Variants in RGS6 observed in about 807,000 individuals in gnomAD.
The protein encoded by RGS6 is regulator of G-protein signaling 6.
RGS6 carries 30 observed loss-of-function variants against 78.5 expected under a neutral mutation model. The ratio of observed to expected loss-of-function variants is 0.38; its 90% CI spans 0.29 to 0.52. RGS6 has a LOEUF of 0.52. Ranked by LOEUF, RGS6 falls within the 20% of genes least tolerant of loss-of-function variation. RGS6 has a pLI of 0.85. For missense variants in RGS6, 495 were observed against 609.7 expected (o/e 0.81, Z 1.98); for synonymous variants, 206 against 206.0 (o/e 1.00, Z 0.00).
chr14:72,370,485 G>A (rs58793041), intron 3 of RGS6, among the ~76,000 whole-genome samples: 5,152 of 152,244 alleles, frequency 0.034, 322 homozygotes, highest in African/African-American at 0.12. Flanking sequence ...TTTGGGTCAG[G>A]GAGATGAGGA....
At chr14:72,134,815 C>A (rs1429972179) in intron 2 of RGS6, among the ~76,000 whole-genome samples, 1 of 152,126 alleles carries the variant, frequency 6.6e-6, no homozygotes, top group East Asian at 1.9e-4. Context: ...AGGTGGATGT[C>A]CTTGCTCAAG....
At chr14:72,599,123 A>C in the RGS6 span, among the ~76,000 whole-genome samples, 1 of 152,138 alleles carries the variant, frequency 6.6e-6, no homozygotes, top group Non-Finnish European at 1.5e-5. Flanking sequence ...AATTCAGGGG[A>C]GGGGAAAGGA....
chr14:72,368,967 G>A (rs1218372064), intron 3 of RGS6, among the ~76,000 whole-genome samples: 2 of 151,882 alleles, frequency 1.3e-5, no homozygotes, highest in Non-Finnish European at 2.9e-5. Context: ...GACTTCCCTG[G>A]GCCACACTGG....
the RGS6 span, among the ~76,000 whole-genome samples, chr14:72,582,246 C>T: frequency 1.2e-4 from 18 of 152,266 alleles, no homozygotes; most frequent in Admixed American, 3.9e-4. Context: ...ACAAACCATA[C>T]GCAAAGCACA....
At chr14:72,093,739 A>T (rs999391914) in intron 2 of RGS6, among the ~76,000 whole-genome samples, 2 of 152,168 alleles carry the variant, frequency 1.3e-5, no homozygotes, top group Non-Finnish European at 2.9e-5. Flanking sequence ...TGGTCATTGC[A>T]AACAGTGCTG....
chr14:72,311,700 C>T (rs887597894), intron 2 of RGS6, among the ~76,000 whole-genome samples: 1 of 152,204 alleles, frequency 6.6e-6, no homozygotes, highest in African/African-American at 2.4e-5. Flanking sequence ...CAATAGGCCA[C>T]ATTCTCAAAG....
intron 3 of RGS6, among the ~76,000 whole-genome samples, chr14:72,357,713 G>C (rs1231916662): frequency 6.6e-6 from 1 of 152,164 alleles, no homozygotes; most frequent in Non-Finnish European, 1.5e-5. Flanking sequence ...GGACACAAGA[G>C]AGCATAAAAG....
intron 3 of RGS6, among the ~76,000 whole-genome samples, chr14:72,357,722 AG>A: frequency 6.6e-6 from 1 of 152,216 alleles, no homozygotes; most frequent in Non-Finnish European, 1.5e-5. Flanking sequence ...AGAGCATAAA[AG>A]TTTGGAAAAT....
chr14:72,289,672 A>G (rs1328477229), intron 2 of RGS6, among the ~76,000 whole-genome samples: 1 of 152,208 alleles, frequency 6.6e-6, no homozygotes, highest in Non-Finnish European at 1.5e-5. Context: ...CAAATGTCAA[A>G]GGTGAAATTC....
chr14:71,925,586 G>A, the RGS6 span, among the ~76,000 whole-genome samples: 1 of 152,088 alleles, frequency 6.6e-6, no homozygotes, highest in Non-Finnish European at 1.5e-5. Context: ...TGTCTATGGT[G>A]TAAGATAAGG....
chr14:72,538,461 G>A (rs2153504581), intron 16 of RGS6, among the ~76,000 whole-genome samples: 1 of 152,334 alleles, frequency 6.6e-6, no homozygotes, highest in African/African-American at 2.4e-5. Context: ...GGCTACTCTA[G>A]GAAACTTCAG....
rs58647243 is a variant in RGS6, at chr14:72,284,497, G to A, written c.85-67598G>A. Among the ~76,000 whole-genome samples, 574 of 152,310 alleles carry A rather than the reference G, an allele frequency of 3.8e-3. 3 individuals carry two copies. The highest frequency in any genetic ancestry group is 0.013 in the African/African-American group (520 of 41,568). ...AGCCCCAAGACTTGGCAGCTTCCAC[G>A]TGGGCACACAGAAGTTAAGAATTGA... On this transcript the variant is annotated intron_variant, in intron 2 of 17. Coordinates refer to ENST00000553525, the MANE Select transcript of RGS6 (RefSeq NM_001204424.2).
chr14:72,102,331 G>A (rs2095545562), intron 2 of RGS6, among the ~76,000 whole-genome samples: 1 of 151,986 alleles, frequency 6.6e-6, no homozygotes, highest in Admixed American at 6.6e-5. Context: ...AACAATATTA[G>A]TATGTGTACA....
chr14:72,502,225 GTCTGGTCAGTAGCC>G (rs2096735986), intron 13 of RGS6, among the ~76,000 whole-genome samples: 1 of 152,222 alleles, frequency 6.6e-6, no homozygotes. Flanking sequence ...TGTGCAGACA[GTCTGGTCAGTAGCC>G]TCTGCTGAGC....
intron 2 of RGS6, among the ~76,000 whole-genome samples, chr14:72,159,024 T>C (rs1401922634): frequency 2.0e-5 from 3 of 152,240 alleles, no homozygotes; most frequent in Non-Finnish European, 2.9e-5. Context: ...TAATACCTAA[T>C]ATAGTGCTTA....
At chr14:72,417,595 C>T (rs889948048) in intron 3 of RGS6, among the ~76,000 whole-genome samples, 3 of 152,310 alleles carry the variant, frequency 2.0e-5, no homozygotes, top group African/African-American at 4.8e-5. Context: ...CTCGGAGAAC[C>T]GCATGGGCTC....
the RGS6 span, among the ~76,000 whole-genome samples, chr14:71,874,883 C>T: frequency 0.074 from 11,281 of 152,046 alleles, 848 homozygotes; most frequent in East Asian, 0.21. Context: ...AGGCCTTTTA[C>T]GCATCTATTG....
chr14:71,891,948 A>G, the RGS6 span, among the ~76,000 whole-genome samples: 1 of 152,104 alleles, frequency 6.6e-6, no homozygotes, highest in South Asian at 2.1e-4. Context: ...CAGAGTCCTA[A>G]TTTGCATGTA....
At chr14:72,314,108 C>T (rs2152476608) in intron 2 of RGS6, among the ~76,000 whole-genome samples, 1 of 152,278 alleles carries the variant, frequency 6.6e-6, no homozygotes, top group South Asian at 2.1e-4. Flanking sequence ...ATAGAGTAAC[C>T]GTCCATAGTT....
Sources: gnomAD v4.1 joint callset for allele counts (sites outside exome capture counted in the v4.1 genomes callset) on GRCh38, gnomAD v4.1.1 for gene constraint, MANE v1.5 for transcripts, NCBI Gene and HGNC (gene_info 2026-07-23, HGNC 2026-07-21) for gene names.